The following ZFHX3 variants were observed in gnomAD, a reference collection of about 807,000 sequenced individuals.
ZFHX3 encodes zinc finger homeobox 3.
Under a neutral mutation model 279.1 loss-of-function variants are expected in ZFHX3, and 42 were observed. The ratio of observed to expected loss-of-function variants is 0.15; its 90% CI spans 0.12 to 0.19. The LOEUF (loss-of-function observed/expected upper bound fraction) is 0.19, where lower values mean the gene tolerates loss of function less well. Among genes scored for constraint, ZFHX3 ranks in the 10% least tolerant of loss-of-function variants. The pLI, the probability that ZFHX3 is intolerant of heterozygous loss-of-function variation, is 1.00. For synonymous variants in ZFHX3, 2,293 were observed against 1,957.8 expected, an observed-to-expected ratio of 1.17 and a Z score of -4.52; for missense variants, 4,981 against 4,754.0, an observed-to-expected ratio of 1.05 and a Z score of -1.40.
chr16:73,875,933 A>C (rs1225388755), intron 1 of ZFHX3, among the ~76,000 whole-genome samples: 2 of 152,224 alleles, frequency 1.3e-5, no homozygotes, highest in East Asian at 3.8e-4. Flanking sequence ...TTTTAAATTA[A>C]GAGACTTTGG....
chr16:73,305,760 G>C (rs1225800714), intron 4 of ZFHX3, among the ~76,000 whole-genome samples: 1 of 151,976 alleles, frequency 6.6e-6, no homozygotes, highest in Non-Finnish European at 1.5e-5. Flanking sequence ...GCCCAGGAAA[G>C]GAAGAAAGAA....
At chr16:73,207,078 T>C (rs28587512) in intron 5 of ZFHX3, among the ~76,000 whole-genome samples, 8 of 150,774 alleles carry the variant, frequency 5.3e-5, no homozygotes, top group Non-Finnish European at 1.2e-4. Flanking sequence ...AAATAAAAAA[T>C]AAAAAAAAGT....
chr16:73,677,513 C>T (rs1030124257), intron 2 of ZFHX3, among the ~76,000 whole-genome samples: 15 of 151,976 alleles, frequency 9.9e-5, no homozygotes, highest in Admixed American at 9.8e-4. Flanking sequence ...AAATAGTAAA[C>T]TTTAGACCTG....
chr16:73,446,035 T>C (rs1038562693), intron 3 of ZFHX3, among the ~76,000 whole-genome samples: 1 of 152,240 alleles, frequency 6.6e-6, no homozygotes, highest in Non-Finnish European at 1.5e-5. Flanking sequence ...TAAATGAATT[T>C]TACTTGAATA....
chr16:73,057,467 C>T (rs962792896), intron 1 of ZFHX3, among the ~76,000 whole-genome samples: 1 of 150,266 alleles, frequency 6.7e-6, no homozygotes, highest in Admixed American at 6.6e-5. Flanking sequence ...ACGGTTTTTG[C>T]ATCGAGTGGA....
At chr16:72,975,041 A>G (rs1962290663) in intron 1 of ZFHX3, among the ~76,000 whole-genome samples, 1 of 152,216 alleles carries the variant, frequency 6.6e-6, no homozygotes, top group South Asian at 2.1e-4. Flanking sequence ...GTGAACCGGC[A>G]GCAAGAACTA....
upstream of ZFHX3, among the ~76,000 whole-genome samples, chr16:73,048,855 G>A (rs1409649492): frequency 6.6e-6 from 1 of 152,200 alleles, no homozygotes; most frequent in Non-Finnish European, 1.5e-5. Context: ...AAAGAGAAAA[G>A]GAGAGATCAC....
chr16:72,932,229 C>G (rs189153967), intron 3 of ZFHX3, among the ~76,000 whole-genome samples: 2 of 152,136 alleles, frequency 1.3e-5, no homozygotes, highest in Admixed American at 1.3e-4. Context: ...TAAAAAGAAA[C>G]AAACAAATAC....
chr16:73,590,979 A>C (rs563916355), intron 2 of ZFHX3, among the ~76,000 whole-genome samples: 13 of 152,208 alleles, frequency 8.5e-5, no homozygotes, highest in Non-Finnish European at 5.9e-5. Flanking sequence ...AAAATACAGG[A>C]ACAAAGCACA....
intron 4 of ZFHX3, among the ~76,000 whole-genome samples, chr16:72,846,563 G>C (rs911733333): frequency 1.6e-4 from 25 of 152,226 alleles, no homozygotes; most frequent in Admixed American, 6.5e-4. Context: ...ATGGTCCTGA[G>C]ACCCACCACT....
intron 2 of ZFHX3, among the ~76,000 whole-genome samples, chr16:73,589,360 C>G (rs548218166): frequency 6.8e-6 from 1 of 147,920 alleles, no homozygotes; most frequent in Non-Finnish European, 1.5e-5. Context: ...CACTTGAGCC[C>G]GAGAGGTTAA....
chr16:72,789,097 C>T (rs1567509720), intron 9 of ZFHX3: 2 of 420,502 alleles, frequency 4.8e-6, no homozygotes, highest in East Asian at 3.6e-5. Flanking sequence ...CCAGAAGTAT[C>T]CCACCAGGCT....
At chr16:73,281,045 G>A (rs960762957) in intron 4 of ZFHX3, among the ~76,000 whole-genome samples, 3 of 145,168 alleles carry the variant, frequency 2.1e-5, no homozygotes, top group Non-Finnish European at 4.6e-5. Context: ...GGGAGGGGAG[G>A]GGAGGGGAGG....
At chr16:73,778,929 G>A (rs1242151949) in intron 1 of ZFHX3, among the ~76,000 whole-genome samples, 2 of 152,224 alleles carry the variant, frequency 1.3e-5, no homozygotes, top group African/African-American at 4.8e-5. Flanking sequence ...TAATCGTTAA[G>A]TTTCTAAATG....
intron 7 of ZFHX3, chr16:72,807,785 T>C (rs2036315364): frequency 6.6e-6 from 1 of 152,102 alleles, no homozygotes; most frequent in African/African-American, 2.4e-5. Flanking sequence ...ATCATCTATT[T>C]GGGGGATTTT....
At chr16:73,659,834 C>CTTAAT in intron 2 of ZFHX3, among the ~76,000 whole-genome samples, 1 of 152,156 alleles carries the variant, frequency 6.6e-6, no homozygotes, top group South Asian at 2.1e-4. Context: ...TTATTAGCAG[C>CTTAAT]AAGTGGGTCT....
chr16:73,361,016 A>G (rs149200471), intron 3 of ZFHX3, among the ~76,000 whole-genome samples: 2 of 152,232 alleles, frequency 1.3e-5, no homozygotes, highest in Admixed American at 6.5e-5. Context: ...AAAGCAAATA[A>G]GGAAATGGGG....
chr16:73,655,105 C>G (rs1053740134), intron 2 of ZFHX3, among the ~76,000 whole-genome samples: 4 of 152,106 alleles, frequency 2.6e-5, no homozygotes, highest in African/African-American at 4.8e-5. Context: ...AAGTGATCTG[C>G]CCGCCTTGCC....
intron 1 of ZFHX3, among the ~76,000 whole-genome samples, chr16:73,689,062 A>G (rs902447227): frequency 1.3e-5 from 2 of 152,220 alleles, no homozygotes; most frequent in African/African-American, 4.8e-5. Flanking sequence ...AACAAACACA[A>G]TGGCCAAACA....
Sources: gnomAD v4.1 joint callset for allele counts (sites outside exome capture counted in the v4.1 genomes callset) on GRCh38, gnomAD v4.1.1 for gene constraint, MANE v1.5 for transcripts, NCBI Gene and HGNC (gene_info 2026-07-23, HGNC 2026-07-21) for gene names.